AOPEP: variants seen among roughly 807,000 people sequenced by gnomAD.
AOPEP encodes aminopeptidase O (putative), also known as aminopeptidase O.
A neutral mutation model predicts 98.1 loss-of-function variants in AOPEP; 77 were observed. The ratio of observed to expected loss-of-function variants is 0.78; its 90% confidence interval spans 0.65 to 0.95. The LOEUF (loss-of-function observed/expected upper bound fraction) is 0.95, where lower values mean the gene tolerates loss of function less well. Ranked by LOEUF, AOPEP falls within the 40% of genes least tolerant of loss-of-function variation. The pLI, the probability that AOPEP is intolerant of heterozygous loss-of-function variation, is 0.00. For missense variants in AOPEP, 1,024 were observed against 1,024.7 expected, an observed-to-expected ratio of 1.00 and a Z score of 0.01; for synonymous variants, 346 against 365.3, an observed-to-expected ratio of 0.95 and a Z score of 0.60.
chr9:94,918,345 TG>T (rs2053121753), intron 5 of AOPEP, among the ~76,000 whole-genome samples: 1 of 152,206 alleles, frequency 6.6e-6, no homozygotes, highest in East Asian at 1.9e-4. Flanking sequence ...CTGCTCACCT[TG>T]GGCCAGTTCT....
chr9:94,964,871 C>T (rs2059094598), intron 9 of AOPEP, among the ~76,000 whole-genome samples: 1 of 152,038 alleles, frequency 6.6e-6, no homozygotes, highest in African/African-American at 2.4e-5. Flanking sequence ...GAACTCCTTA[C>T]CTTGTGATCT....
chr9:94,786,600 A>G (rs1844478407), intron 3 of AOPEP, among the ~76,000 whole-genome samples: 1 of 152,232 alleles, frequency 6.6e-6, no homozygotes, highest in Non-Finnish European at 1.5e-5. Flanking sequence ...GGCAGTCTTC[A>G]TGTAAGATTG....
At chr9:94,769,441 A>G (rs886480268) in intron 2 of AOPEP, among the ~76,000 whole-genome samples, 27 of 152,226 alleles carry the variant, frequency 1.8e-4, no homozygotes, top group African/African-American at 5.8e-4. Context: ...AGAAAAGAAT[A>G]GGCTGGGAGC....
chr9:94,940,551 C>CA (rs1282966696), intron 7 of AOPEP, among the ~76,000 whole-genome samples: 16 of 152,160 alleles, frequency 1.1e-4, no homozygotes, highest in African/African-American at 2.9e-4. Context: ...GAAGTGAGCT[C>CA]AGACTGCACT....
At chr9:95,018,942 C>T (rs1564530739) in intron 13 of AOPEP, 1 of 152,188 alleles carries the variant, frequency 6.6e-6, no homozygotes, top group Non-Finnish European at 1.5e-5. Context: ...AGGCTGCTTA[C>T]GTGATGGCAT....
At chr9:94,809,056 G>T (rs1404127922) in intron 5 of AOPEP, among the ~76,000 whole-genome samples, 1 of 152,226 alleles carries the variant, frequency 6.6e-6, no homozygotes, top group Non-Finnish European at 1.5e-5. Flanking sequence ...CGACAAACAT[G>T]TATCAACGGA....
At chr9:94,953,782 C>T (rs2058272085) in intron 7 of AOPEP, among the ~76,000 whole-genome samples, 1 of 152,188 alleles carries the variant, frequency 6.6e-6, no homozygotes, top group African/African-American at 2.4e-5. Flanking sequence ...CCTCAACACT[C>T]CTCAGTGTTG....
At chr9:95,001,430 C>T (rs1277920295) in intron 11 of AOPEP, among the ~76,000 whole-genome samples, 1 of 152,194 alleles carries the variant, frequency 6.6e-6, no homozygotes, top group Non-Finnish European at 1.5e-5. Flanking sequence ...TTTTAAGAGA[C>T]AGCTTTAAAG....
chr9:95,091,399 T>C (rs565562269), downstream of AOPEP, among the ~76,000 whole-genome samples: 3 of 152,164 alleles, frequency 2.0e-5, no homozygotes, highest in East Asian at 5.8e-4. Context: ...CCTGGCACTT[T>C]GTCAGGGGTT....
intron 7 of AOPEP, among the ~76,000 whole-genome samples, chr9:94,947,502 G>A (rs73540059): frequency 0.011 from 1,707 of 152,250 alleles, 31 homozygotes; most frequent in African/African-American, 0.039. Context: ...TTGGCCTCCT[G>A]AAATGCTGAG....
At chr9:94,856,693 G>A (rs1449105966) in intron 5 of AOPEP, among the ~76,000 whole-genome samples, 3 of 149,826 alleles carry the variant, frequency 2.0e-5, no homozygotes, top group African/African-American at 4.9e-5. Context: ...TGGCATTTGT[G>A]TAAATGTCGT....
At chr9:94,815,797 A>G (rs1468520816) in intron 5 of AOPEP, among the ~76,000 whole-genome samples, 1 of 152,100 alleles carries the variant, frequency 6.6e-6, no homozygotes, top group East Asian at 1.9e-4. Context: ...AGTAACTGCT[A>G]TCATTTGGGC....
intron 11 of AOPEP, among the ~76,000 whole-genome samples, chr9:94,997,693 G>A (rs2061328060): frequency 6.6e-6 from 1 of 152,072 alleles, no homozygotes; most frequent in Non-Finnish European, 1.5e-5. Flanking sequence ...TATTTCACCT[G>A]TGAAATTTTG....
At chr9:94,945,130 T>C (rs779018043) in intron 7 of AOPEP, among the ~76,000 whole-genome samples, 33 of 152,036 alleles carry the variant, frequency 2.2e-4, no homozygotes, top group Non-Finnish European at 4.1e-4. Flanking sequence ...GTCTGTGATA[T>C]AACAACCCCG....
In AOPEP at chr9:94,866,676, A is replaced by T. The variant is rs1268690187; in HGVS notation, c.1365-57310A>T. On this transcript the variant is annotated intron_variant, in intron 5 of 16. Transcript: ENST00000375315. The stretch of plus-strand genomic sequence containing the variant: ...AGAATTGTAGGATTTTTATAAAAAC[A>T]ATTTATTTGAATATGGAAATTTTTG... Among the ~76,000 whole-genome samples the T allele has an allele frequency of 2.6e-5, 4 of 152,310 alleles. 1 individual carries two copies. The highest frequency in any genetic ancestry group is 6.8e-3 in the Middle Eastern group (2 of 294).
chr9:95,013,025 A>G (rs1265104523), intron 13 of AOPEP, among the ~76,000 whole-genome samples: 1 of 98,872 alleles, frequency 1.0e-5, no homozygotes, highest in Non-Finnish European at 2.1e-5. Flanking sequence ...TATCTTTTCT[A>G]TAAAGAGAGC....
At position 94,801,015 on chromosome 9, in the gene AOPEP, A is replaced by G; in HGVS notation, c.1364+13A>G. On this transcript the variant is annotated intron_variant, in intron 5 of 16. Coordinates refer to ENST00000375315, the MANE Select transcript of AOPEP (RefSeq NM_001193329.3). ...TGGGGATGGCCAGGTATGTTGTTCC[A>G]TTGTGGCACTTGGGGTACATACATT... 1.2e-6 allele frequency: 2 copies of G among 1,613,272 alleles called. No individual in the cohort carries two copies. Among genetic ancestry groups the G allele is most frequent in the Non-Finnish European group, 8.5e-7 (1 of 1,179,266 alleles).
At chr9:95,067,998 T>C (rs2084858387) in intron 14 of AOPEP, among the ~76,000 whole-genome samples, 1 of 152,234 alleles carries the variant, frequency 6.6e-6, no homozygotes, top group Non-Finnish European at 1.5e-5. Flanking sequence ...CATCCTTCTT[T>C]GTAGCATATA....
intron 7 of AOPEP, among the ~76,000 whole-genome samples, chr9:94,940,663 G>A (rs961770153): frequency 1.1e-4 from 17 of 151,960 alleles, no homozygotes; most frequent in Non-Finnish European, 2.5e-4. Context: ...TACAGTTCAG[G>A]TAAATACTTA....
Sources: gnomAD v4.1 joint callset for allele counts (sites outside exome capture counted in the v4.1 genomes callset) on GRCh38, gnomAD v4.1.1 for gene constraint, MANE v1.5 for transcripts, NCBI Gene and HGNC (gene_info 2026-07-23, HGNC 2026-07-21) for gene names.